The following SH3D19 variants were observed in gnomAD, a reference collection of about 807,000 sequenced individuals.
SH3D19 encodes the protein SH3 domain-containing protein 19.
SH3D19 carries 58 observed loss-of-function variants against 112.1 expected under a neutral mutation model. That is an observed-to-expected ratio of 0.52 (90% confidence interval 0.42 to 0.64). The LOEUF is 0.64. SH3D19 is among the 30% of genes least tolerant of loss of function. SH3D19 has a pLI of 0.00. For synonymous variants in SH3D19, 391 were observed against 448.5 expected, an observed-to-expected ratio of 0.87 and a Z score of 1.62; for missense variants, 1,090 against 1,263.4, an observed-to-expected ratio of 0.86 and a Z score of 2.08.
At position 151,213,979 on chromosome 4, in the gene SH3D19, A is replaced by G. The variant is rs1397454845; in HGVS notation, c.152+12068T>C. Among the ~76,000 whole-genome samples, 36 of 150,704 alleles carry G rather than the reference A, an allele frequency of 2.4e-4. No homozygotes were observed. The East Asian group carries it at 6.6e-3, about 27-fold the overall frequency. On this transcript the variant is annotated intron_variant, in intron 2 of 19. Transcript: ENST00000604030. ...AGGTCAGCAGATAAACAAGTGAACA[A>G]AGGTCTCTGGTTTTCCTAGGCAGAG... is the stretch of plus-strand genomic sequence containing the variant.
At chr4:151,215,993 G>A (rs564074747) in intron 2 of SH3D19, among the ~76,000 whole-genome samples, 40 of 152,234 alleles carry the variant, frequency 2.6e-4, no homozygotes, top group African/African-American at 9.1e-4. Flanking sequence ...ACCATGCCCG[G>A]CTAATTTTTG....
chr4:151,174,391 G>T (rs1166334089), intron 7 of SH3D19, among the ~76,000 whole-genome samples: 1 of 152,116 alleles, frequency 6.6e-6, no homozygotes, highest in Non-Finnish European at 1.5e-5. Context: ...GCTTACTTCT[G>T]GCTCATATAA....
intron 15 of SH3D19, 109 bp from the exon 16 acceptor site, chr4:151,133,345 A>C: frequency 1.2e-6 from 1 of 860,052 alleles, no homozygotes; most frequent in South Asian, 1.7e-5. Context: ...ACCATGGAAT[A>C]AGGTATACTA....
chr4:151,265,578 T>TTTC (rs1772724905), intron 1 of SH3D19, among the ~76,000 whole-genome samples: 1 of 146,972 alleles, frequency 6.8e-6, no homozygotes, highest in South Asian at 2.2e-4. Context: ...TCTTTTTTTT[T>TTTC]TTTTTTTTTT....
intron 3 of SH3D19, among the ~76,000 whole-genome samples, chr4:151,182,021 C>T (rs1006843884): frequency 2.6e-5 from 4 of 151,632 alleles, no homozygotes; most frequent in Non-Finnish European, 5.9e-5. Context: ...CAAGGTCTTG[C>T]TCTGTCACCC....
chr4:151,120,588 A>G lies in SH3D19; in HGVS notation c.*1503T>C, dbSNP rs984745858. On this transcript the variant is annotated 3_prime_UTR_variant, in exon 20 of 20. Transcript: ENST00000604030. The stretch of plus-strand genomic sequence containing the variant: ...GAAATTTGACAAGAATTTTCTTTAT[A>G]CTCTCTTCTTTACCAAAACGTATTA... 2.6e-5 allele frequency: 4 copies of G among 152,164 alleles called. No homozygotes were observed. Among genetic ancestry groups the G allele is most frequent in the African/African-American group, 9.7e-5 (4 of 41,444 alleles). The allele number at this position is 152,164 out of a possible 1,614,324, so 9.4% of individuals were successfully genotyped here.
chr4:151,271,522 A>G (rs980056298), intron 1 of SH3D19, among the ~76,000 whole-genome samples: 2 of 152,170 alleles, frequency 1.3e-5, no homozygotes, highest in African/African-American at 2.4e-5. Context: ...TGTAGTAGGT[A>G]TTACTGGCAT....
At position 151,297,479 on chromosome 4, in the gene SH3D19, G is replaced by A. The variant is rs545164478; in HGVS notation, c.112+27762C>T. 4.6e-5 allele frequency among the ~76,000 whole-genome samples: 7 copies of A among 152,304 alleles called. No homozygotes were observed. In the South Asian group the frequency reaches 1.5e-3, roughly 32 times the overall value. On this transcript the variant is annotated intron_variant, in intron 1 of 19. Coordinates refer to ENST00000604030, the MANE Select transcript of SH3D19 (RefSeq NM_001378122.1). ...GGCTCCAGAATGCTAATGCTACTCTGCTTTTAGTGAAAATTAGTGAGAAGA... is the reference window on the plus strand; with the variant it reads ...GGCTCCAGAATGCTAATGCTACTCTACTTTTAGTGAAAATTAGTGAGAAGA...
chr4:151,267,481 T>C (rs769294118), intron 1 of SH3D19, among the ~76,000 whole-genome samples: 1 of 152,256 alleles, frequency 6.6e-6, no homozygotes, highest in Non-Finnish European at 1.5e-5. Context: ...CTTATCTCTA[T>C]TTGTAGTTCC....
intron 1 of SH3D19, among the ~76,000 whole-genome samples, chr4:151,257,079 ATT>A (rs559531819): frequency 1.2e-3 from 163 of 141,262 alleles, no homozygotes; most frequent in African/African-American, 4.2e-3. Flanking sequence ...TTATTTATTT[ATT>A]TGTTTGTTTG....
chr4:151,291,592 C>A (rs576265568), intron 1 of SH3D19: 1 of 620,676 alleles, frequency 1.6e-6, no homozygotes, highest in African/African-American at 1.8e-5. Flanking sequence ...TCTGTACATT[C>A]TTTGTCCTTG....
rs1242017147 is a variant in SH3D19, at chr4:151,183,331, A to C, written c.194-3934T>G. Among the ~76,000 whole-genome samples, 4 of 152,294 alleles carry C rather than the reference A, an allele frequency of 2.6e-5. No individual in the cohort carries two copies. The East Asian group carries it at 7.7e-4, about 29-fold the overall frequency. On this transcript the variant is annotated intron_variant, in intron 3 of 19. Coordinates refer to ENST00000604030, the MANE Select transcript of SH3D19 (RefSeq NM_001378122.1). ...TCGAGTTCAAGTGGTTAAATTCTAAATACAAAACATATTCATGTTAAAGTT... is the reference window on the plus strand; with the variant it reads ...TCGAGTTCAAGTGGTTAAATTCTAACTACAAAACATATTCATGTTAAAGTT...
chr4:151,214,590 AC>A (rs1411542488), intron 2 of SH3D19, among the ~76,000 whole-genome samples: 5 of 65,268 alleles, frequency 7.7e-5, no homozygotes, highest in Non-Finnish European at 1.1e-4. Flanking sequence ...CAGGGGGCTG[AC>A]CCCCCACCTC....
intron 1 of SH3D19, among the ~76,000 whole-genome samples, chr4:151,315,513 A>G (rs928440855): frequency 1.3e-5 from 2 of 152,190 alleles, no homozygotes; most frequent in African/African-American, 4.8e-5. Context: ...CTAATTATAC[A>G]ATGAAATTAT....
At chr4:151,170,790 G>C (rs1032782656) in intron 7 of SH3D19, 1 of 152,124 alleles carries the variant, frequency 6.6e-6, no homozygotes, top group Non-Finnish European at 1.5e-5. Context: ...CCTCCACATG[G>C]TCTGAAATTC....
At chr4:151,209,399 C>T (rs958180465) in intron 2 of SH3D19, among the ~76,000 whole-genome samples, 1 of 151,972 alleles carries the variant, frequency 6.6e-6, no homozygotes, top group Non-Finnish European at 1.5e-5. Context: ...CTGCTTCAGC[C>T]TCCTGAGTAG....
intron 9 of SH3D19, among the ~76,000 whole-genome samples, chr4:151,153,188 T>C (rs1755399481): frequency 6.6e-6 from 1 of 152,204 alleles, no homozygotes; most frequent in African/African-American, 2.4e-5. Flanking sequence ...TCTTGTCTGC[T>C]GGAATTACTG....
chr4:151,195,517 A>G (rs1253419086), intron 2 of SH3D19, among the ~76,000 whole-genome samples: 2 of 152,036 alleles, frequency 1.3e-5, no homozygotes, highest in Non-Finnish European at 2.9e-5. Flanking sequence ...CCCTGCCCAT[A>G]GGTGCTCATA....
chr4:151,199,364 A>G (rs538084188), intron 2 of SH3D19, among the ~76,000 whole-genome samples: 1 of 152,276 alleles, frequency 6.6e-6, no homozygotes, highest in South Asian at 2.1e-4. Context: ...GCCTTTTATC[A>G]GCCTCAGTTT....
Sources: gnomAD v4.1 joint callset for allele counts (sites outside exome capture counted in the v4.1 genomes callset) on GRCh38, gnomAD v4.1.1 for gene constraint, MANE v1.5 for transcripts, NCBI Gene and HGNC (gene_info 2026-07-23, HGNC 2026-07-21) for gene names.